The following DCBLD2 variants were observed in gnomAD, a reference collection of about 807,000 sequenced individuals.
DCBLD2 encodes discoidin, CUB and LCCL domain-containing protein 2.
A neutral mutation model predicts 86.8 loss-of-function variants in DCBLD2; 54 were observed. The observed-to-expected ratio is 0.62, with a 90% CI of 0.50 to 0.78. The LOEUF is 0.78. Ranked by LOEUF, DCBLD2 falls within the 30% of genes least tolerant of loss-of-function variation. The pLI, the probability that DCBLD2 is intolerant of heterozygous loss-of-function variation, is 0.00. For synonymous variants in DCBLD2, 354 were observed against 341.3 expected, an observed-to-expected ratio of 1.04 and a Z score of -0.41; for missense variants, 908 against 954.2, an observed-to-expected ratio of 0.95 and a Z score of 0.64.
intron 2 of DCBLD2, among the ~76,000 whole-genome samples, chr3:98,870,758 AAAGAAAG>A (rs1287827688): frequency 1.1e-4 from 6 of 52,506 alleles, no homozygotes; most frequent in Admixed American, 6.5e-4. Flanking sequence ...AGAAAGAAAG[AAAGAAAG>A]AAAGAAAGAA....
chr3:98,886,586 C>A (rs999803879), intron 1 of DCBLD2, among the ~76,000 whole-genome samples: 1 of 152,026 alleles, frequency 6.6e-6, no homozygotes, highest in Non-Finnish European at 1.5e-5. Context: ...CTCCACCAGA[C>A]TATAACTGAT....
intron 14 of DCBLD2, among the ~76,000 whole-genome samples, chr3:98,801,109 T>A (rs1049662302): frequency 6.6e-6 from 1 of 152,206 alleles, no homozygotes; most frequent in African/African-American, 2.4e-5. Context: ...GTAGTGAGAC[T>A]GGGAAGTGAG....
chr3:98,900,984 G>GT, intron 1 of DCBLD2, 138 bp downstream of exon 1: 2 of 1,435,606 alleles, frequency 1.4e-6, no homozygotes, highest in Non-Finnish European at 1.9e-6. Context: ...ACTCAACCCC[G>GT]TGAGTACCCA....
At chr3:98,800,874 T>C (rs1008003359) in intron 14 of DCBLD2, 158 bp from the exon 15 acceptor site, 2 of 843,440 alleles carry the variant, frequency 2.4e-6, no homozygotes, top group East Asian at 2.6e-5. Flanking sequence ...TTTTTTGCTG[T>C]GATAGACTAT....
intron 1 of DCBLD2, among the ~76,000 whole-genome samples, chr3:98,884,097 C>T (rs1429924701): frequency 1.3e-5 from 2 of 152,000 alleles, no homozygotes; most frequent in Non-Finnish European, 2.9e-5. Flanking sequence ...ACTTAAAAAT[C>T]GTATCCTTGG....
intron 1 of DCBLD2, among the ~76,000 whole-genome samples, chr3:98,894,073 G>A (rs531100308): frequency 2.2e-4 from 33 of 152,232 alleles, no homozygotes; most frequent in African/African-American, 5.5e-4. Flanking sequence ...CCAAGATCAC[G>A]GAAAGAGCAT....
At chr3:98,879,765 T>G (rs1943429281) in intron 2 of DCBLD2, among the ~76,000 whole-genome samples, 1 of 152,216 alleles carries the variant, frequency 6.6e-6, no homozygotes, top group Non-Finnish European at 1.5e-5. Flanking sequence ...TCCTCCTATT[T>G]TTTTAAAATG....
In DCBLD2 at chr3:98,877,072, T is replaced by C. The variant is rs1035800457; in HGVS notation, c.433+4468A>G. On this transcript the variant is annotated intron_variant, in intron 2 of 15. Transcript: ENST00000326840. ...GATGGGGTTAAAAGGAAAGAAGAAA[T>C]GCACTGTAAAGGGGAGGAATGTCAC... 7.2e-5 allele frequency among the ~76,000 whole-genome samples: 11 copies of C among 152,198 alleles called. No homozygotes were observed. In the South Asian group the frequency reaches 1.7e-3, roughly 23 times the overall value.
intron 2 of DCBLD2, among the ~76,000 whole-genome samples, chr3:98,876,040 G>A (rs981570972): frequency 3.9e-5 from 6 of 151,990 alleles, no homozygotes; most frequent in Admixed American, 2.6e-4. Context: ...TTTAAAAAAA[G>A]ACTAATGAAT....
intron 9 of DCBLD2, chr3:98,816,200 C>G (rs1942020647): frequency 7.6e-6 from 1 of 132,008 alleles, no homozygotes; most frequent in Admixed American, 7.9e-5. Context: ...TGCAAGCCAG[C>G]AAACAGCAGA....
intron 2 of DCBLD2, among the ~76,000 whole-genome samples, chr3:98,853,567 CTTG>C (rs1942877957): frequency 6.6e-6 from 1 of 152,194 alleles, no homozygotes; most frequent in African/African-American, 2.4e-5. Flanking sequence ...CTTGTAGCCA[CTTG>C]TACAGAGTAT....
chr3:98,823,101 G>C (rs1322157380), intron 4 of DCBLD2, among the ~76,000 whole-genome samples: 1 of 152,166 alleles, frequency 6.6e-6, no homozygotes, highest in Non-Finnish European at 1.5e-5. Context: ...TCAAACTCCT[G>C]ACCTCAGGTG....
chr3:98,847,992 T>C (rs1311110034), intron 3 of DCBLD2, among the ~76,000 whole-genome samples: 1 of 152,182 alleles, frequency 6.6e-6, no homozygotes, highest in African/African-American at 2.4e-5. Context: ...TTTTAAACTT[T>C]TAAGTTTGGG....
chr3:98,876,445 C>T (rs747066078), intron 2 of DCBLD2, among the ~76,000 whole-genome samples: 21 of 110,204 alleles, frequency 1.9e-4, no homozygotes, highest in Non-Finnish European at 3.9e-4. Context: ...AAAAAAAAGG[C>T]CGTCAACATA....
chr3:98,855,152 A>G (rs1019192605), intron 2 of DCBLD2, among the ~76,000 whole-genome samples: 1 of 152,202 alleles, frequency 6.6e-6, no homozygotes, highest in Admixed American at 6.5e-5. Context: ...TAAGAAAAAG[A>G]TCTCCCAATA....
intron 3 of DCBLD2, among the ~76,000 whole-genome samples, chr3:98,838,667 T>G (rs1942537691): frequency 6.6e-6 from 1 of 152,072 alleles, no homozygotes; most frequent in Non-Finnish European, 1.5e-5. Flanking sequence ...GAGGCTGCAA[T>G]CTCGGCACTT....
At chr3:98,805,333 G>T (rs367806878) in intron 13 of DCBLD2, among the ~76,000 whole-genome samples, 20 of 152,134 alleles carry the variant, frequency 1.3e-4, no homozygotes, top group East Asian at 5.8e-4. Flanking sequence ...CTTTCTCCCT[G>T]AAAATGCTCT....
rs767371934 is a variant in DCBLD2, at chr3:98,799,701, C to T, written c.1999G>A (p.Ala667Thr). The change falls in exon 16 of 16, where the codon GCT (alanine) becomes ACT (threonine). Residue 667 changes from alanine (A) to threonine (T), a missense_variant. This residue lies in a region of DCBLD2 where 606 missense variants were observed against 678.5 expected (regional missense o/e 0.89). Coordinates refer to ENST00000326840, the MANE Select transcript of DCBLD2 (RefSeq NM_080927.4). ...SPGQEVYHAY[A>T]EPLPITGPEY... ...GGCCCCGTAATTGGGAGTGGTTCAG[C>T]ATAGGCATGATAAACTTCCTGCCCT... 19 of 1,613,874 alleles carry T rather than the reference C, an allele frequency of 1.2e-5. No individual in the cohort carries two copies. The African/African-American group carries it at 2.3e-4, about 19-fold the overall frequency.
chr3:98,808,274 C>G, intron 12 of DCBLD2, 100 bp from the exon 13 acceptor site: 1 of 1,030,476 alleles, frequency 9.7e-7, no homozygotes. Context: ...CAACATTTTT[C>G]TACCTCACGG....
Sources: gnomAD v4.1 joint callset for allele counts (sites outside exome capture counted in the v4.1 genomes callset) on GRCh38, gnomAD v4.1.1 for gene constraint, gnomAD v4.1.1 regional missense constraint, MANE v1.5 for transcripts, NCBI Gene and HGNC (gene_info 2026-07-23, HGNC 2026-07-21) for gene names.